Variants in GRIK2 observed in about 807,000 individuals in gnomAD.
GRIK2 encodes the protein glutamate ionotropic receptor kainate type subunit 2.
A neutral mutation model predicts 100.3 loss-of-function variants in GRIK2; 32 were observed. That is an observed-to-expected ratio of 0.32 (90% CI 0.24 to 0.43). The LOEUF (loss-of-function observed/expected upper bound fraction) is 0.43, where lower values mean the gene tolerates loss of function less well. Ranked by LOEUF, GRIK2 falls within the 20% of genes least tolerant of loss-of-function variation. The pLI, the probability that GRIK2 is intolerant of heterozygous loss-of-function variation, is 1.00. For synonymous variants in GRIK2, 417 were observed against 389.4 expected, an observed-to-expected ratio of 1.07 and a Z score of -0.83; for missense variants, 843 against 1,114.9, an observed-to-expected ratio of 0.76 and a Z score of 3.47.
At chr6:101,737,983 T>C (rs1190185019) in intron 7 of GRIK2, among the ~76,000 whole-genome samples, 1 of 152,188 alleles carries the variant, frequency 6.6e-6, no homozygotes, top group Non-Finnish European at 1.5e-5. Flanking sequence ...TATTGACTAC[T>C]TACAAATATC....
chr6:102,050,008 C>T (rs1306143292), intron 15 of GRIK2, among the ~76,000 whole-genome samples: 1 of 151,968 alleles, frequency 6.6e-6, no homozygotes, highest in Admixed American at 6.6e-5. Flanking sequence ...ATAAGCCTCC[C>T]TCAGAATTAA....
intron 10 of GRIK2, among the ~76,000 whole-genome samples, chr6:101,825,467 A>T (rs1194330034): frequency 6.6e-6 from 1 of 152,162 alleles, no homozygotes; most frequent in Admixed American, 6.6e-5. Flanking sequence ...AAAATTAGGT[A>T]TAATTTTGAA....
intron 2 of GRIK2, among the ~76,000 whole-genome samples, chr6:101,511,312 TG>T (rs1774300696): frequency 3.9e-5 from 6 of 152,316 alleles, no homozygotes. Flanking sequence ...CCAAGTTTCT[TG>T]GTCTTGGCTT....
chr6:101,463,579 A>G (rs985557555), intron 2 of GRIK2, among the ~76,000 whole-genome samples: 4 of 152,184 alleles, frequency 2.6e-5, no homozygotes, highest in African/African-American at 9.7e-5. Flanking sequence ...CTTTTGGGGA[A>G]GTTCTTAAAA....
chr6:101,794,646 A>G (rs528038191), intron 7 of GRIK2, among the ~76,000 whole-genome samples: 4 of 145,638 alleles, frequency 2.7e-5, no homozygotes, highest in African/African-American at 7.7e-5. Context: ...TTTTCTTTGT[A>G]TTGTTTTTCT....
At chr6:101,457,432 G>C (rs536339130) in intron 2 of GRIK2, among the ~76,000 whole-genome samples, 1 of 152,124 alleles carries the variant, frequency 6.6e-6, no homozygotes, top group East Asian at 1.9e-4. Flanking sequence ...TATGGCACTT[G>C]ACATACCTGA....
At chr6:101,943,408 A>T (rs1791076536) in intron 14 of GRIK2, among the ~76,000 whole-genome samples, 1 of 152,302 alleles carries the variant, frequency 6.6e-6, no homozygotes, top group African/African-American at 2.4e-5. Context: ...TGGAAATGTG[A>T]GAGAAGGGCC....
chr6:101,953,535 T>G (rs1330057686), intron 14 of GRIK2, among the ~76,000 whole-genome samples: 2 of 152,220 alleles, frequency 1.3e-5, no homozygotes, highest in East Asian at 3.8e-4. Flanking sequence ...ATCTTTTATG[T>G]GCTTATTCAC....
At chr6:101,817,285 G>C (rs1338393312) in intron 9 of GRIK2, among the ~76,000 whole-genome samples, 1 of 152,128 alleles carries the variant, frequency 6.6e-6, no homozygotes, top group Non-Finnish European at 1.5e-5. Flanking sequence ...TGGGACCTTT[G>C]TTAGCATATT....
intron 2 of GRIK2, among the ~76,000 whole-genome samples, chr6:101,446,664 G>A (rs1489074355): frequency 6.6e-6 from 1 of 151,610 alleles, no homozygotes; most frequent in Non-Finnish European, 1.5e-5. Flanking sequence ...ACCATCACCT[G>A]TTTGAAAGAA....
rs531612076 is a variant in GRIK2, at chr6:101,554,099, G to A, written c.116-67850G>A. Among the ~76,000 whole-genome samples, 4 of 152,264 alleles carry A rather than the reference G, an allele frequency of 2.6e-5. No individual in the cohort carries two copies. In the South Asian group the frequency reaches 8.3e-4, roughly 32 times the overall value. ...TTGAGCTGTGTATATCTATGTAAAC[G>A]TAGAGAGTGAAACCATAAGCAGTAG... On this transcript the variant is annotated intron_variant, in intron 2 of 16. Transcript: ENST00000369134.
intron 15 of GRIK2, among the ~76,000 whole-genome samples, chr6:102,039,354 G>A (rs1770448785): frequency 1.3e-5 from 2 of 151,498 alleles, no homozygotes; most frequent in Non-Finnish European, 3.0e-5. Context: ...CTGCAGCAAC[G>A]TTATTTTAAT....
rs1358096283 is a variant in GRIK2, at chr6:102,069,856, A to AGTT, written c.*1346_*1348dup. The AGTT allele has an allele frequency of 6.6e-6, 1 of 151,930 alleles. No homozygotes were observed. The highest frequency in any genetic ancestry group is 1.5e-5 in the Non-Finnish European group (1 of 67,970). 9.4% of individuals were successfully genotyped at this position (151,930 alleles called of 1,614,324 possible). A position where few individuals can be genotyped will look rare whatever the true frequency, so the allele number is the denominator to read the frequency against. ...GAATCATAGAAGAGAAATATTTTCA[A>AGTT]GTTAGATAATATAAAAGCTAGGTGC... On this transcript the variant is annotated 3_prime_UTR_variant, in exon 17 of 17. Transcript: ENST00000369134.
chr6:101,517,836 A>G (rs1774663711), intron 2 of GRIK2, among the ~76,000 whole-genome samples: 1 of 152,170 alleles, frequency 6.6e-6, no homozygotes, highest in Admixed American at 6.6e-5. Context: ...TATGTAATAA[A>G]GAAGCTTATT....
At chr6:101,654,362 A>C (rs12193068) in intron 4 of GRIK2, among the ~76,000 whole-genome samples, 10,420 of 152,184 alleles carry the variant, frequency 0.068, 448 homozygotes, top group Non-Finnish European at 0.094. Flanking sequence ...GTCCTGAATC[A>C]CAACGAATTT....
chr6:101,676,828 C>A (rs1284711471), intron 5 of GRIK2, 24 bp downstream of exon 5: 10 of 1,409,484 alleles, frequency 7.1e-6, no homozygotes, highest in Admixed American at 2.1e-5. Context: ...TACTTCAATT[C>A]TTGTTTTCTT....
intron 10 of GRIK2, among the ~76,000 whole-genome samples, chr6:101,853,432 A>G (rs1357167409): frequency 1.3e-5 from 2 of 152,224 alleles, no homozygotes; most frequent in Non-Finnish European, 2.9e-5. Flanking sequence ...GAACACTGAC[A>G]ACACCAAATG....
intron 7 of GRIK2, among the ~76,000 whole-genome samples, chr6:101,728,768 T>A (rs1745067475): frequency 6.6e-6 from 1 of 152,024 alleles, no homozygotes; most frequent in Non-Finnish European, 1.5e-5. Context: ...ATCTGGATAT[T>A]TTAAGGTATG....
intron 7 of GRIK2, among the ~76,000 whole-genome samples, chr6:101,749,809 T>C (rs949590492): frequency 5.6e-5 from 8 of 142,188 alleles, no homozygotes; most frequent in Non-Finnish European, 9.2e-5. Flanking sequence ...GTTTCTTTTT[T>C]TTTTTTTTTT....
Sources: allele counts gnomAD v4.1 joint callset (sites outside exome capture counted in the v4.1 genomes callset), GRCh38; gene constraint gnomAD v4.1.1; transcripts MANE v1.5; gene names NCBI Gene and HGNC (gene_info 2026-07-23, HGNC 2026-07-21).